ARHGEF18: variants seen among roughly 807,000 people sequenced by gnomAD.
ARHGEF18 encodes the protein Rho/Rac guanine nucleotide exchange factor 18.
A neutral mutation model predicts 155.7 loss-of-function variants in ARHGEF18; 93 were observed. That is an observed-to-expected ratio of 0.60 (90% CI 0.50 to 0.71). ARHGEF18 has a LOEUF of 0.71. Ranked by LOEUF, ARHGEF18 falls within the 30% of genes least tolerant of loss-of-function variation. The probability of loss-of-function intolerance (pLI) is 0.00; values close to 1 mark genes in which losing one functional copy is unlikely to be tolerated. For missense variants in ARHGEF18, 1,593 were observed against 1,816.1 expected (o/e 0.88, Z 2.23); for synonymous variants, 742 against 753.1 (o/e 0.99, Z 0.24).
At chr19:7,467,044 G>C (rs1238872433) in intron 24 of ARHGEF18, 27 bp from the exon 25 acceptor site, 1 of 1,610,684 alleles carries the variant, frequency 6.2e-7, no homozygotes, top group East Asian at 2.2e-5. Context: ...CCGATAACTA[G>C]CATCAATCTC....
intron 20 of ARHGEF18, among the ~76,000 whole-genome samples, chr19:7,461,086 C>A (rs575271460): frequency 1.3e-5 from 2 of 151,800 alleles, no homozygotes; most frequent in South Asian, 4.2e-4. Context: ...CGCTCCCGGC[C>A]CTGTATTATT....
intron 10 of ARHGEF18, among the ~76,000 whole-genome samples, chr19:7,386,251 A>G (rs1008152273): frequency 4.7e-4 from 70 of 147,372 alleles, no homozygotes; most frequent in Non-Finnish European, 1.0e-3. Flanking sequence ...AAAAAAAAAA[A>G]GACAAAGGAA....
rs146266513 is a variant in ARHGEF18 at position 7,455,069 on chromosome 19, A to G, written c.2105-1258A>G. Among the ~76,000 whole-genome samples, 355 of 152,264 alleles carry G rather than the reference A, an allele frequency of 2.3e-3. 3 individuals are homozygous for G. The highest frequency in any genetic ancestry group is 8.4e-3 in the African/African-American group (348 of 41,552). ...TTTTGGAGCCTCTAGAAACATCCCA[A>G]GCTATCTATTCACATCAGCATCTTT... is the stretch of plus-strand genomic sequence containing the variant. On this transcript the variant is annotated intron_variant, in intron 17 of 28. Transcript: ENST00000668164.
At chr19:7,402,160 C>T (rs1308280066) in intron 10 of ARHGEF18, among the ~76,000 whole-genome samples, 1 of 152,146 alleles carries the variant, frequency 6.6e-6, no homozygotes, top group Non-Finnish European at 1.5e-5. Context: ...GTGGCTCATG[C>T]CTGTAATCCC....
In ARHGEF18 at chr19:7,440,382, G is replaced by A. The variant is rs201764417; in HGVS notation, c.1006G>A (p.Asp336Asn). Reference sequence around the variant, plus strand: ...GCACCCCCGGGGCACCCTCCTGTCCGATGGCAGCCCGGCCCTGTCCAGGAA... The same window carrying A: ...GCACCCCCGGGGCACCCTCCTGTCCAATGGCAGCCCGGCCCTGTCCAGGAA... ...KEHPRGTLLS[D>N]GSPALSRNVG... The change falls in exon 11 of 29, where the codon GAT (aspartate) becomes AAT (asparagine). Residue 336 changes from aspartate to asparagine, a missense_variant. Transcript: ENST00000668164. This position sits in a 1 kb window ranked among gnomAD's most constrained non-coding sequence, Gnocchi z 5.4. 2 of 1,610,888 alleles carry A rather than the reference G, an allele frequency of 1.2e-6. No homozygotes were observed. Among genetic ancestry groups the A allele is most frequent in the East Asian group, 2.2e-5 (1 of 44,872 alleles).
intron 7 of ARHGEF18, among the ~76,000 whole-genome samples, chr19:7,379,589 C>A (rs1970631328): frequency 6.6e-6 from 1 of 151,736 alleles, no homozygotes; most frequent in South Asian, 2.1e-4. Context: ...AGGCTGGGTT[C>A]AAGGGAAGAA....
rs150705901 is a variant in ARHGEF18 at position 7,385,915 on chromosome 19, CCTCTCTCT to C, written c.967+2726_967+2733del. On this transcript the variant is annotated intron_variant, in intron 10 of 28. Coordinates refer to ENST00000668164, the MANE Select transcript of ARHGEF18 (RefSeq NM_001367823.1). Reference sequence around the variant, plus strand: ...CCCTCCCTCTCTCTCTCCCTCTCTCCCTCTCTCTCTCTCTCTCTCTCCCCCTCTCCCTC... The same window carrying C: ...CCCTCCCTCTCTCTCTCCCTCTCTCCCTCTCTCTCTCTCCCCCTCTCCCTC... Among the ~76,000 whole-genome samples, 37 of 33,728 alleles carry C rather than the reference CCTCTCTCT, an allele frequency of 1.1e-3. 1 individual carries two copies. Among genetic ancestry groups the C allele is most frequent in the Non-Finnish European group, 1.4e-3 (29 of 21,354 alleles). The allele number at this position is 33,728 out of a possible 152,430, so 22.1% of individuals were successfully genotyped here.
intron 10 of ARHGEF18, among the ~76,000 whole-genome samples, chr19:7,392,951 G>C (rs1310136605): frequency 6.7e-6 from 1 of 150,162 alleles, no homozygotes; most frequent in African/African-American, 2.5e-5. Flanking sequence ...GGAGGCTGAG[G>C]TGGGAGGACA....
intron 1 of ARHGEF18, among the ~76,000 whole-genome samples, chr19:7,362,575 T>A (rs1185721518): frequency 1.3e-5 from 2 of 152,214 alleles, no homozygotes; most frequent in African/African-American, 4.8e-5. Flanking sequence ...ACTAGCAATG[T>A]CTGCCATAGG....
At chr19:7,385,538 C>T (rs758548862) in intron 10 of ARHGEF18, among the ~76,000 whole-genome samples, 167 of 150,018 alleles carry the variant, frequency 1.1e-3, no homozygotes, top group Non-Finnish European at 1.8e-3. Context: ...TGCAGTGGCA[C>T]GATCATAGCT....
chr19:7,382,796 G>A lies in ARHGEF18; in HGVS notation c.727G>A (p.Glu243Lys), dbSNP rs574718933. The change falls in exon 9 of 29, where the codon GAG (glutamate) becomes AAG (lysine). Residue 243 changes from glutamate (E) to lysine (K), a missense_variant. Glu to Lys is a moderately conservative substitution (Grantham distance 56). Transcript: ENST00000668164. ...ACCTTCCCTCTCGTCCCTCAGGAGC[G>A]AGGACGGTGCTGGCAAGAACGAGAA... is the stretch of plus-strand genomic sequence containing the variant. ...LTWFEFLSES[E>K]DGAGKNEKSD... 475 of 1,232,314 alleles carry A rather than the reference G, an allele frequency of 3.9e-4. 3 individuals are homozygous for A. The highest frequency in any genetic ancestry group is 4.6e-4 in the Non-Finnish European group (451 of 988,064). 76.3% of individuals were successfully genotyped at this position (1,232,314 alleles called of 1,614,324 possible).
chr19:7,423,527 C>T (rs1364873251), intron 10 of ARHGEF18, among the ~76,000 whole-genome samples: 1 of 151,968 alleles, frequency 6.6e-6, no homozygotes, highest in Non-Finnish European at 1.5e-5. Flanking sequence ...TAGTGAAAAT[C>T]CTTCTCTACT....
Position 7,396,256 on chromosome 19 carries a change from C to T in ARHGEF18, c.967+13053C>T, listed in dbSNP as rs981824561. Among the ~76,000 whole-genome samples, 5 of 152,180 alleles carry T rather than the reference C, an allele frequency of 3.3e-5. No homozygotes were observed. In the East Asian group the frequency reaches 9.6e-4, roughly 29 times the overall value. The stretch of plus-strand genomic sequence containing the variant: ...AAGCGAAGCGGCCAACACACCTTTT[C>T]CCCTTTGCCTTGTTTTCGCGGAGAT... On this transcript the variant is annotated intron_variant, in intron 10 of 28. Transcript: ENST00000668164.
At position 7,468,977 on chromosome 19, in the gene ARHGEF18, G is replaced by A; in HGVS notation, c.3633G>A (p.Lys1211=). The part of the protein sequence containing the change: ...DSAPTENRLA[K]SDVPIQLLSA... ...CCCCCACCGAGAACCGGCTGGCCAAGAGCGATGTGCCCATCCAGCTGCTCA... is the reference window on the plus strand; with the variant it reads ...CCCCCACCGAGAACCGGCTGGCCAAAAGCGATGTGCCCATCCAGCTGCTCA... The change falls in exon 27 of 29, where the codon AAG becomes AAA. Residue 1211 remains lysine, a synonymous_variant. Coordinates refer to ENST00000668164, the MANE Select transcript of ARHGEF18 (RefSeq NM_001367823.1). The A allele has an allele frequency of 6.3e-7, 1 of 1,591,510 alleles. No individual in the cohort carries two copies.
downstream of ARHGEF18, chr19:7,477,326 C>A: frequency 6.4e-7 from 1 of 1,560,174 alleles, no homozygotes; most frequent in Non-Finnish European, 8.7e-7. Context: ...CAGCACGCCC[C>A]GGGGCAGCCA....
intron 8 of ARHGEF18, 62 bp downstream of exon 8, chr19:7,381,056 G>C: frequency 8.4e-7 from 1 of 1,188,704 alleles, no homozygotes; most frequent in East Asian, 3.2e-5. Flanking sequence ...GTTTACAGAT[G>C]GTCCTTTGGG....
intron 10 of ARHGEF18, among the ~76,000 whole-genome samples, chr19:7,396,270 T>C (rs1971703450): frequency 6.6e-6 from 1 of 152,168 alleles, no homozygotes; most frequent in Non-Finnish European, 1.5e-5. Context: ...TTTGCCTTGT[T>C]TTCGCGGAGA....
intron 2 of ARHGEF18, among the ~76,000 whole-genome samples, chr19:7,368,348 G>C (rs1184101121): frequency 6.6e-6 from 1 of 152,112 alleles, no homozygotes; most frequent in Non-Finnish European, 1.5e-5. Flanking sequence ...TGGATTTATA[G>C]CATCCTCTTT....
rs2145912188 is a variant in ARHGEF18, at chr19:7,467,536, G to A, written c.3332G>A (p.Arg1111His). Residue 1111 changes from arginine to histidine, a missense_variant, in exon 26 of 29, where the codon CGC becomes CAC. Transcript: ENST00000668164. ...RLEQERAELERQRQAYQHDLE... is the reference protein window; with the variant it reads ...RLEQERAELEHQRQAYQHDLE... ...GAGCAGGAGCGGGCCGAGCTGGAGC[G>A]CCAGCGCCAGGCCTACCAGCACGAC... The A allele has an allele frequency of 1.4e-6, 2 of 1,447,824 alleles. No individual in the cohort carries two copies. Among genetic ancestry groups the A allele is most frequent in the African/African-American group, 1.5e-5 (1 of 66,762 alleles). The allele number at this position is 1,447,824 out of a possible 1,614,324, so 89.7% of individuals were successfully genotyped here. A position where few individuals can be genotyped will look rare whatever the true frequency, so the allele number is the denominator to read the frequency against.
Sources: gnomAD v4.1 joint callset for allele counts (sites outside exome capture counted in the v4.1 genomes callset) on GRCh38, gnomAD v4.1.1 for gene constraint, Gnocchi (gnomAD v3.1) non-coding constraint, MANE v1.5 for transcripts, NCBI Gene and HGNC (gene_info 2026-07-23, HGNC 2026-07-21) for gene names.